The following DNMT3A variants were observed in gnomAD, a reference collection of about 807,000 sequenced individuals.
DNMT3A encodes DNA methyltransferase 3 alpha.
DNMT3A carries 267 observed loss-of-function variants against 117.6 expected under a neutral mutation model. The ratio of observed to expected loss-of-function variants is 2.27; its 90% CI spans 2.05 to 2.51. DNMT3A has a LOEUF of 2.51. Ranked by LOEUF, DNMT3A falls within the 30% of genes most tolerant of loss-of-function variation. DNMT3A has a pLI of 0.00. For missense variants in DNMT3A, 1,029 were observed against 1,260.2 expected, an observed-to-expected ratio of 0.82 and a Z score of 2.78; for synonymous variants, 432 against 474.8, an observed-to-expected ratio of 0.91 and a Z score of 1.17.
chr2:25,270,866 T>C lies in DNMT3A; in HGVS notation c.639+4075A>G, dbSNP rs141826074. 4.7e-3 allele frequency among the ~76,000 whole-genome samples: 709 copies of C among 152,176 alleles called. 6 individuals are homozygous for C. The highest frequency in any genetic ancestry group is 0.017 in the African/African-American group (686 of 41,518). ...TGTTGTTACACCACTTAGAAAACATTACAAAAAATTAGCCGGGTGTGGTGG... is the reference window on the plus strand; with the variant it reads ...TGTTGTTACACCACTTAGAAAACATCACAAAAAATTAGCCGGGTGTGGTGG... On this transcript the variant is annotated intron_variant, in intron 6 of 22. Coordinates refer to ENST00000321117, the MANE Select transcript of DNMT3A (RefSeq NM_022552.5).
intron 22 of DNMT3A, among the ~76,000 whole-genome samples, chr2:25,235,198 T>TC (rs1181123608): frequency 3.4e-4 from 51 of 150,230 alleles, no homozygotes; most frequent in Admixed American, 5.3e-4. Context: ...TTTTTTTTTT[T>TC]CCCTTTGAGA....
At chr2:25,301,466 C>G (rs925080720) in intron 2 of DNMT3A, among the ~76,000 whole-genome samples, 1 of 152,158 alleles carries the variant, frequency 6.6e-6, no homozygotes, top group Admixed American at 6.5e-5. Flanking sequence ...CAGCTCCTCT[C>G]CATCTCTTGC....
intron 1 of DNMT3A, among the ~76,000 whole-genome samples, chr2:25,315,089 A>T (rs2034316890): frequency 6.6e-6 from 1 of 152,148 alleles, no homozygotes; most frequent in South Asian, 2.1e-4. Flanking sequence ...GGGGATTGGC[A>T]GGCAAGGGAG....
rs1362562263 is a variant in DNMT3A at position 25,252,757 on chromosome 2, C to T, written c.640-4505G>A. Among the ~76,000 whole-genome samples the T allele has an allele frequency of 6.6e-6, 1 of 151,348 alleles. No individual in the cohort carries two copies. The highest frequency in any genetic ancestry group is 1.5e-5 in the Non-Finnish European group (1 of 67,840). ...AGAAAGTTGTGAAAAGTGAGTTTCT[C>T]TGAAGCACAACCAAAAAAAAAAAAA... is the stretch of plus-strand genomic sequence containing the variant. On this transcript the variant is annotated intron_variant, in intron 6 of 22. Coordinates refer to ENST00000321117, the MANE Select transcript of DNMT3A (RefSeq NM_022552.5). This position sits in a 1 kb window ranked among gnomAD's most constrained non-coding sequence, Gnocchi z 5.5.
chr2:25,262,060 C>G (rs1360485847), intron 6 of DNMT3A, among the ~76,000 whole-genome samples: 2 of 151,876 alleles, frequency 1.3e-5, no homozygotes, highest in Non-Finnish European at 2.9e-5. Context: ...CATGGCAGCA[C>G]ATGCCTGTAA....
chr2:25,279,821 C>T (rs2031751172), intron 4 of DNMT3A, among the ~76,000 whole-genome samples: 1 of 151,948 alleles, frequency 6.6e-6, no homozygotes, highest in African/African-American at 2.4e-5. Flanking sequence ...GGAGTAGCTG[C>T]GACTACAGGC....
chr2:25,330,362 A>C (rs1213065912), intron 1 of DNMT3A, among the ~76,000 whole-genome samples: 1 of 150,648 alleles, frequency 6.6e-6, no homozygotes, highest in Admixed American at 6.6e-5. Flanking sequence ...CCCCCACCCC[A>C]CCCCCAGCCA....
chr2:25,290,607 C>A (rs950371305), intron 3 of DNMT3A, among the ~76,000 whole-genome samples: 3 of 152,206 alleles, frequency 2.0e-5, no homozygotes, highest in African/African-American at 4.8e-5. Flanking sequence ...CAGGCGTGAG[C>A]CACCACGCCC....
Position 25,234,335 on chromosome 2 carries a change from C to T in DNMT3A, c.2683G>A (p.Val895Met), listed in dbSNP as rs762126968. ...RQRLLGRSWS[V>M]PVIRHLFAPL... ...GCGAAGAGGTGGCGGATGACTGGCA[C>T]GCTCCATGACCGGCCCAGCAGTCTC... The change falls in exon 23 of 23, where the codon GTG (valine) becomes ATG (methionine). Residue 895 changes from valine (V) to methionine (M), a missense_variant. Physicochemically the swap from Val to Met is conservative, Grantham distance 21. Coordinates refer to ENST00000321117, the MANE Select transcript of DNMT3A (RefSeq NM_022552.5). The surrounding 1 kb of genome is among the most constrained non-coding windows in gnomAD (Gnocchi z 4.5). 1.9e-6 allele frequency: 3 copies of T among 1,614,098 alleles called. No homozygotes were observed. The highest frequency in any genetic ancestry group is 2.5e-6 in the Non-Finnish European group (3 of 1,179,984).
chr2:25,341,484 TGGA>T (rs2035448645), intron 1 of DNMT3A, among the ~76,000 whole-genome samples: 1 of 139,738 alleles, frequency 7.2e-6, no homozygotes, highest in Non-Finnish European at 1.6e-5. Flanking sequence ...AGGCCGGCGG[TGGA>T]GGGGCCCCCC....
At chr2:25,288,887 A>G (rs1053223473) in intron 3 of DNMT3A, among the ~76,000 whole-genome samples, 2 of 152,050 alleles carry the variant, frequency 1.3e-5, no homozygotes, top group Non-Finnish European at 2.9e-5. Flanking sequence ...TGGACCCCTC[A>G]GCCCCCTGTA....
Position 25,327,981 on chromosome 2 carries a change from CTG to C in DNMT3A, c.-177-13822_-177-13821del, listed in dbSNP as rs1197397715. On this transcript the variant is annotated intron_variant, in intron 1 of 22. Coordinates refer to ENST00000321117, the MANE Select transcript of DNMT3A (RefSeq NM_022552.5). The surrounding 1 kb of genome is among the most constrained non-coding windows in gnomAD (Gnocchi z 4.1). ...TCCAGGCCCTTTGTACCTCTTGTGT[CTG>C]TGGCACAATAACCTGGTAGATGCCC... is the stretch of plus-strand genomic sequence containing the variant. Among the ~76,000 whole-genome samples the C allele has an allele frequency of 5.3e-5, 8 of 152,190 alleles. No individual in the cohort carries two copies. Among genetic ancestry groups the C allele is most frequent in the Non-Finnish European group, 1.2e-4 (8 of 68,038 alleles).
chr2:25,275,761 CA>C (rs938528624), intron 4 of DNMT3A, among the ~76,000 whole-genome samples: 5 of 152,206 alleles, frequency 3.3e-5, no homozygotes, highest in Non-Finnish European at 7.3e-5. Flanking sequence ...AGAACTCGGG[CA>C]GGGGCAGGCC....
At chr2:25,272,233 C>T (rs1006593019) in intron 6 of DNMT3A, among the ~76,000 whole-genome samples, 3 of 152,220 alleles carry the variant, frequency 2.0e-5, no homozygotes, top group Non-Finnish European at 2.9e-5. Flanking sequence ...GTGATCCACC[C>T]GCCTCGGCCT....
chr2:25,276,676 G>T (rs1338503174), intron 4 of DNMT3A, among the ~76,000 whole-genome samples: 1 of 152,176 alleles, frequency 6.6e-6, no homozygotes, highest in Non-Finnish European at 1.5e-5. Flanking sequence ...GCCTCCCATA[G>T]CTTCTTGCTG....
chr2:25,249,092 C>T (rs184151758), intron 6 of DNMT3A, among the ~76,000 whole-genome samples: 46 of 152,250 alleles, frequency 3.0e-4, no homozygotes, highest in African/African-American at 1.1e-3. Flanking sequence ...TTGGTTCCAC[C>T]CTCTCCTATC....
intron 3 of DNMT3A, among the ~76,000 whole-genome samples, chr2:25,288,024 T>C (rs2032443507): frequency 6.6e-6 from 1 of 151,700 alleles, no homozygotes; most frequent in South Asian, 2.1e-4. Flanking sequence ...TTGGTAAAGA[T>C]GGGGTTTCAC....
chr2:25,273,986 GCCCTTAAGTT>G (rs1237467321), intron 6 of DNMT3A, among the ~76,000 whole-genome samples: 1 of 152,178 alleles, frequency 6.6e-6, no homozygotes, highest in East Asian at 1.9e-4. Flanking sequence ...CCCTTGCTGA[GCCCTTAAGTT>G]CCCATGGATT....
rs1008365985 is a variant in DNMT3A, at chr2:25,282,503, G to A, written c.386C>T (p.Ser129Leu). The part of the protein sequence containing the change: ...EGAAETLPEA[S>L]RAVENGCCTP... ...GCAGCAGCCATTTTCCACTGCTCTT[G>A]AGGCTTCAGGCAGGGTCTCAGCTGC... Residue 129 changes from serine to leucine, a missense_variant, in exon 4 of 23, where the codon TCA becomes TTA. Physicochemically the swap from Ser to Leu is moderately radical, Grantham distance 145. Transcript: ENST00000321117. This position sits in a 1 kb window ranked among gnomAD's most constrained non-coding sequence, Gnocchi z 5.2. The A allele has an allele frequency of 3.5e-5, 56 of 1,613,324 alleles. No individual in the cohort carries two copies. Among genetic ancestry groups the A allele is most frequent in the Non-Finnish European group, 4.5e-5 (53 of 1,179,942 alleles).
Sources: gnomAD v4.1 joint callset for allele counts (sites outside exome capture counted in the v4.1 genomes callset) on GRCh38, gnomAD v4.1.1 for gene constraint, Gnocchi (gnomAD v3.1) non-coding constraint, MANE v1.5 for transcripts, NCBI Gene and HGNC (gene_info 2026-07-23, HGNC 2026-07-21) for gene names.